Variants in IGBP1 observed in about 807,000 individuals in gnomAD.
The protein encoded by IGBP1 is immunoglobulin-binding protein 1.
In IGBP1, 2 loss-of-function variants were observed where a neutral mutation model predicts 25.9. The ratio of observed to expected loss-of-function variants is 0.08; its 90% CI spans 0.03 to 0.24. The LOEUF (loss-of-function observed/expected upper bound fraction) is 0.24. Among genes scored for constraint, IGBP1 ranks in the 10% least tolerant of loss-of-function variants. The probability of loss-of-function intolerance (pLI) is 1.00; values close to 1 mark genes in which losing one functional copy is unlikely to be tolerated. For synonymous variants in IGBP1, 96 were observed against 93.4 expected (o/e 1.03, Z -0.16); for missense variants, 187 against 260.4 (o/e 0.72, Z 1.94).
At chrX:70,150,960 C>CTT (rs781386144) in intron 6 of IGBP1, among the ~76,000 whole-genome samples, 2 of 99,306 alleles carry the variant, frequency 2.0e-5, no homozygotes, top group Admixed American at 1.1e-4. Flanking sequence ...ACTCCTGTCA[C>CTT]TTTTTTTTTT....
At chrX:70,138,061 G>A (rs984488045) in intron 3 of IGBP1, among the ~76,000 whole-genome samples, 2 of 110,695 alleles carry the variant, frequency 1.8e-5, no homozygotes, top group African/African-American at 3.3e-5. Context: ...GCCTGAGCCC[G>A]GGAGTCGGAG....
At position 70,134,143 on chromosome X, in the gene IGBP1, G is replaced by A. The variant is rs2085080579; in HGVS notation, c.188+8G>A. ...GCAGCTCGACTTGTTCAGGTATGGG[G>A]GAAGATAGTAATAATGGCTGAGAAC... On this transcript the variant is annotated splice_region_variant and intron_variant, in intron 2 of 6. Transcript: ENST00000356413. 3.3e-6 allele frequency: 4 copies of A among 1,202,759 alleles called. No individual in the cohort carries two copies. The highest frequency in any genetic ancestry group is 4.5e-6 in the Non-Finnish European group (4 of 887,006).
At chrX:70,142,399 CA>C (rs2085136059) in intron 3 of IGBP1, among the ~76,000 whole-genome samples, 1 of 111,003 alleles carries the variant, frequency 9.0e-6, no homozygotes, top group African/African-American at 3.3e-5. Flanking sequence ...GTTTCTAAGA[CA>C]GGGGAAAGGC....
chrX:70,148,860 T>G lies in IGBP1; in HGVS notation c.758+20T>G, dbSNP rs1214811212. On this transcript the variant is annotated intron_variant, in intron 5 of 6. Transcript: ENST00000356413. ...AGCCAAGTAGGTAGTACTAGAAAGT[T>G]TGCTTTGCAGCCCTCTGCTTTTATG... 6.5e-6 allele frequency: 7 copies of G among 1,080,424 alleles called. No homozygotes were observed. The highest frequency in any genetic ancestry group is 9.0e-6 in the Non-Finnish European group (7 of 778,156). The allele number at this position is 1,080,424 out of a possible 1,213,427, so 89.0% of individuals were successfully genotyped here. A position where few individuals can be genotyped will look rare whatever the true frequency, so the allele number is the denominator to read the frequency against.
chrX:70,133,686 G>C (rs1051922221), intron 1 of IGBP1, 37 bp from the exon 2 acceptor site: 12 of 433,396 alleles, frequency 2.8e-5, no homozygotes, highest in Non-Finnish European at 3.6e-5. Flanking sequence ...TGGTAAAACA[G>C]CGCCTAGGGT....
intron 6 of IGBP1, among the ~76,000 whole-genome samples, chrX:70,162,098 G>A (rs917312063): frequency 1.8e-5 from 2 of 112,036 alleles, no homozygotes; most frequent in African/African-American, 6.5e-5. Context: ...AGTGTGGGCT[G>A]TGCTTAGTGA....
Position 70,134,831 on chromosome X carries a change from A to G in IGBP1, c.482+15A>G, listed in dbSNP as rs1348246079. On this transcript the variant is annotated intron_variant, in intron 3 of 6. Transcript: ENST00000356413. Reference sequence around the variant, plus strand: ...AAAATACAGAGGTGGGTCAATAGCTATAATATGAGGCCTGCCCAATGGCGG... The same window carrying G: ...AAAATACAGAGGTGGGTCAATAGCTGTAATATGAGGCCTGCCCAATGGCGG... The G allele has an allele frequency of 2.5e-6, 3 of 1,197,324 alleles. No individual in the cohort carries two copies. The highest frequency in any genetic ancestry group is 3.4e-6 in the Non-Finnish European group (3 of 883,115).
chrX:70,133,497 G>A lies in IGBP1; in HGVS notation c.-269G>A. ...CTTCAAACCGTGGGAGTGGTGCGGC[G>A]GCTAGAGTCCCTGGACTCCTCAACC... On this transcript the variant is annotated 5_prime_UTR_variant, in exon 1 of 7. Coordinates refer to ENST00000356413, the MANE Select transcript of IGBP1 (RefSeq NM_001551.3). 1 of 275,031 alleles carries A rather than the reference G, an allele frequency of 3.6e-6. No homozygotes were observed. Among genetic ancestry groups the A allele is most frequent in the Non-Finnish European group, 6.4e-6 (1 of 155,866 alleles). The allele number at this position is 275,031 out of a possible 1,213,427, so 22.7% of individuals were successfully genotyped here.
chrX:70,139,935 G>A (rs1041163974), intron 3 of IGBP1, among the ~76,000 whole-genome samples: 5 of 111,804 alleles, frequency 4.5e-5, no homozygotes, highest in African/African-American at 1.6e-4. Flanking sequence ...TCAGTTCTTT[G>A]AATAGACCCA....
At chrX:70,145,685 G>A (rs142576972) in intron 3 of IGBP1, among the ~76,000 whole-genome samples, 1 of 111,420 alleles carries the variant, frequency 9.0e-6, no homozygotes, top group African/African-American at 3.3e-5. Flanking sequence ...TGGCCACCTT[G>A]TTATTTCTCA....
intron 3 of IGBP1, among the ~76,000 whole-genome samples, chrX:70,140,181 T>TA (rs1435128778): frequency 7.1e-5 from 8 of 112,434 alleles, no homozygotes; most frequent in African/African-American, 2.6e-4. Context: ...CTCTCTCCCC[T>TA]ACTACAGTAT....
At chrX:70,135,952 G>C (rs138880115) in intron 3 of IGBP1, among the ~76,000 whole-genome samples, 474 of 111,736 alleles carry the variant, frequency 4.2e-3, no homozygotes, top group African/African-American at 0.015. Context: ...TTCCCCAGCT[G>C]CAAAATTCAG....
At chrX:70,148,267 A>G (rs1331575562) in intron 4 of IGBP1, among the ~76,000 whole-genome samples, 2 of 111,889 alleles carry the variant, frequency 1.8e-5, no homozygotes, top group Admixed American at 9.5e-5. Context: ...TATGGAAACT[A>G]CTAACCAATC....
intron 6 of IGBP1, among the ~76,000 whole-genome samples, chrX:70,164,724 G>A (rs770425640): frequency 5.0e-4 from 56 of 111,807 alleles, no homozygotes; most frequent in Non-Finnish European, 9.8e-4. Flanking sequence ...GAGGCTATAA[G>A]GCCTCCTTAC....
At chrX:70,149,386 G>A in intron 5 of IGBP1, 1 of 122,255 alleles carries the variant, frequency 8.2e-6, no homozygotes. Flanking sequence ...AGGCGTGGTG[G>A]CTCACGCCTG....
At chrX:70,134,462 A>G (rs2085082834) in intron 2 of IGBP1, 61 bp from the exon 3 acceptor site, 1 of 1,130,727 alleles carries the variant, frequency 8.8e-7, no homozygotes. Context: ...GTCCCCCAGA[A>G]AGCAAGGGCC....
In IGBP1 at chrX:70,133,505, T is replaced by A. The variant is rs1239097767; in HGVS notation, c.-261T>A. ...CGTGGGAGTGGTGCGGCGGCTAGAG[T>A]CCCTGGACTCCTCAACCTAGGGAGC... On this transcript the variant is annotated 5_prime_UTR_variant, in exon 1 of 7. Coordinates refer to ENST00000356413, the MANE Select transcript of IGBP1 (RefSeq NM_001551.3). The A allele has an allele frequency of 1.3e-5, 4 of 301,898 alleles. No homozygotes were observed. In the East Asian group the frequency reaches 2.0e-4, roughly 15 times the overall value. The allele number at this position is 301,898 out of a possible 1,213,427, so 24.9% of individuals were successfully genotyped here.
intron 4 of IGBP1, 143 bp from the exon 5 acceptor site, chrX:70,148,618 T>C (rs962858062): frequency 1.8e-5 from 9 of 506,615 alleles, no homozygotes; most frequent in Non-Finnish European, 3.6e-6. Flanking sequence ...GTTAGTGTTC[T>C]GCTGCTATAT....
intron 6 of IGBP1, among the ~76,000 whole-genome samples, chrX:70,156,646 A>T (rs2085242496): frequency 8.9e-6 from 1 of 112,504 alleles, no homozygotes; most frequent in Non-Finnish European, 1.9e-5. Flanking sequence ...CAGCATGGTG[A>T]CTATCGTTAA....
Sources: allele counts gnomAD v4.1 joint callset (sites outside exome capture counted in the v4.1 genomes callset), GRCh38; gene constraint gnomAD v4.1.1; transcripts MANE v1.5; gene names NCBI Gene and HGNC (gene_info 2026-07-23, HGNC 2026-07-21).